TAS2R1: variants seen among roughly 807,000 people sequenced by gnomAD.
TAS2R1 encodes taste receptor type 2 member 1.
For missense variants in TAS2R1, 370 were observed against 353.4 expected (o/e 1.05, Z -0.38); for synonymous variants, 141 against 134.2 (o/e 1.05, Z -0.35).
the TAS2R1 span, among the ~76,000 whole-genome samples, chr5:9,892,717 T>C: frequency 6.8e-4 from 103 of 152,286 alleles, no homozygotes; most frequent in African/African-American, 1.5e-3. Flanking sequence ...AAAGCGCCTC[T>C]TATGCCCATT....
upstream of TAS2R1, chr5:9,630,354 G>C (rs1388780803): frequency 5.0e-6 from 1 of 200,828 alleles, no homozygotes; most frequent in African/African-American, 2.3e-5. Context: ...TGGGAGAACA[G>C]CTCCTCCATA....
intron 1 of TAS2R1, among the ~76,000 whole-genome samples, chr5:9,682,574 G>A (rs983974321): frequency 7.2e-5 from 11 of 152,004 alleles, no homozygotes; most frequent in Non-Finnish European, 7.4e-5. Context: ...AAATTCAGAG[G>A]AAAAAAGGAG....
chr5:9,651,154 A>G (rs1740297718), intron 2 of TAS2R1, among the ~76,000 whole-genome samples: 1 of 152,158 alleles, frequency 6.6e-6, no homozygotes, highest in South Asian at 2.1e-4. Flanking sequence ...AAAATTGAAC[A>G]TATTCTGTCA....
intron 2 of TAS2R1, among the ~76,000 whole-genome samples, chr5:9,643,894 G>C (rs1486069253): frequency 4.6e-5 from 7 of 152,156 alleles, no homozygotes; most frequent in Non-Finnish European, 1.0e-4. Context: ...CCCCAGAGAG[G>C]AGGTGATAAA....
At chr5:9,903,252 G>A in the TAS2R1 span, among the ~76,000 whole-genome samples, 14,254 of 152,044 alleles carry the variant, frequency 0.094, 892 homozygotes, top group Middle Eastern at 0.14. Flanking sequence ...ACAAGTAAGT[G>A]AGAACATGTG....
intron 1 of TAS2R1, among the ~76,000 whole-genome samples, chr5:9,674,974 A>T (rs1019518786): frequency 2.6e-5 from 4 of 151,992 alleles, no homozygotes; most frequent in African/African-American, 9.7e-5. Context: ...TTAAAAAATC[A>T]TAATGCTAAT....
the TAS2R1 span, among the ~76,000 whole-genome samples, chr5:9,849,812 T>G: frequency 6.6e-6 from 1 of 152,230 alleles, no homozygotes; most frequent in Non-Finnish European, 1.5e-5. Flanking sequence ...CAAGGGCTAG[T>G]GCTGATGCTG....
chr5:9,695,493 A>G (rs1161355487), intron 1 of TAS2R1, among the ~76,000 whole-genome samples: 1 of 152,044 alleles, frequency 6.6e-6, no homozygotes, highest in Non-Finnish European at 1.5e-5. Flanking sequence ...AATCCACTAG[A>G]AAGGGTGAGG....
the TAS2R1 span, among the ~76,000 whole-genome samples, chr5:9,876,931 G>A: frequency 6.6e-6 from 1 of 152,152 alleles, no homozygotes; most frequent in Non-Finnish European, 1.5e-5. Flanking sequence ...GTAAACGAAA[G>A]GAATGAAGAA....
At chr5:9,736,838 GC>G in the TAS2R1 span, among the ~76,000 whole-genome samples, 37 of 152,104 alleles carry the variant, frequency 2.4e-4, 1 homozygote, top group Admixed American at 2.4e-3. Context: ...TAGCAAAAGG[GC>G]CTATGTCTGT....
chr5:9,867,372 G>A, the TAS2R1 span, among the ~76,000 whole-genome samples: 1 of 152,166 alleles, frequency 6.6e-6, no homozygotes, highest in African/African-American at 2.4e-5. Context: ...CGGCATGGCT[G>A]GGGAGGCCTC....
the TAS2R1 span, among the ~76,000 whole-genome samples, chr5:9,793,284 A>C: frequency 5.3e-5 from 8 of 152,230 alleles, no homozygotes; most frequent in Admixed American, 5.2e-4. Context: ...GAATGGCCTA[A>C]GCTAATTGAA....
intron 1 of TAS2R1, among the ~76,000 whole-genome samples, chr5:9,698,172 TC>T (rs1164278957): frequency 6.6e-5 from 10 of 152,182 alleles, no homozygotes; most frequent in Non-Finnish European, 1.2e-4. Context: ...AAGGCTATGT[TC>T]TCAGACTGGA....
At chr5:9,707,434 C>T (rs41473) in intron 1 of TAS2R1, among the ~76,000 whole-genome samples, 37,043 of 152,088 alleles carry the variant, frequency 0.24, 4,989 homozygotes, top group Admixed American at 0.36. Context: ...AACTATTTGA[C>T]CTGAAGAAAA....
At chr5:9,718,177 G>A in the TAS2R1 span, among the ~76,000 whole-genome samples, 8 of 151,048 alleles carry the variant, frequency 5.3e-5, no homozygotes, top group South Asian at 4.2e-4. Flanking sequence ...CGCCGTGTTG[G>A]CCAGGATCGT....
chr5:9,740,110 C>T, the TAS2R1 span, among the ~76,000 whole-genome samples: 9 of 152,256 alleles, frequency 5.9e-5, no homozygotes, highest in South Asian at 2.1e-4. Context: ...GTAACCAAAA[C>T]GACCTCTGGT....
chr5:9,652,239 C>G (rs763857685), intron 2 of TAS2R1, among the ~76,000 whole-genome samples: 5 of 152,200 alleles, frequency 3.3e-5, no homozygotes, highest in African/African-American at 1.2e-4. Flanking sequence ...CAAATACGCT[C>G]TTAGTGGGAC....
upstream of TAS2R1, among the ~76,000 whole-genome samples, chr5:9,712,703 TTAAAG>T (rs1359606513): frequency 3.3e-5 from 5 of 152,174 alleles, no homozygotes; most frequent in Admixed American, 6.5e-5. Flanking sequence ...AGTCAACTCT[TTAAAG>T]TAAATAAATG....
chr5:9,637,155 GAA>G (rs1381760964), intron 2 of TAS2R1, among the ~76,000 whole-genome samples: 4 of 152,088 alleles, frequency 2.6e-5, no homozygotes, highest in Non-Finnish European at 5.9e-5. Context: ...TTATTTGTCT[GAA>G]AAAGACTTTA....
Sources: gnomAD v4.1 joint callset for allele counts (sites outside exome capture counted in the v4.1 genomes callset) on GRCh38, gnomAD v4.1.1 for gene constraint, MANE v1.5 for transcripts, NCBI Gene and HGNC (gene_info 2026-07-23, HGNC 2026-07-21) for gene names.